SULF1: variants seen among roughly 807,000 people sequenced by gnomAD.
The protein encoded by SULF1 is extracellular sulfatase Sulf-1.
SULF1 carries 46 observed loss-of-function variants against 110.5 expected under a neutral mutation model. The ratio of observed to expected loss-of-function variants is 0.42; its 90% CI spans 0.33 to 0.53. SULF1 has a LOEUF of 0.53. Among genes scored for constraint, SULF1 ranks in the 20% least tolerant of loss-of-function variants. The pLI is 0.12. For missense variants in SULF1, 941 were observed against 1,094.2 expected, an observed-to-expected ratio of 0.86 and a Z score of 1.98; for synonymous variants, 371 against 387.1, an observed-to-expected ratio of 0.96 and a Z score of 0.49.
intron 3 of SULF1, among the ~76,000 whole-genome samples, chr8:69,504,964 C>T (rs913512069): frequency 1.3e-5 from 2 of 152,102 alleles, no homozygotes; most frequent in Non-Finnish European, 2.9e-5. Context: ...TTTTTGATTG[C>T]CTCTCTGCTC....
intron 6 of SULF1, among the ~76,000 whole-genome samples, chr8:69,581,716 A>G (rs945107202): frequency 6.6e-6 from 1 of 152,230 alleles, no homozygotes; most frequent in Non-Finnish European, 1.5e-5. Context: ...GAGATTTAAT[A>G]CATCTGGAGG....
upstream of SULF1, among the ~76,000 whole-genome samples, chr8:69,490,784 C>T (rs1809902884): frequency 1.8e-5 from 2 of 111,462 alleles, no homozygotes; most frequent in South Asian, 3.0e-4. Context: ...TCAATTTACC[C>T]ATCTGTAAAC....
intron 22 of SULF1, among the ~76,000 whole-genome samples, chr8:69,645,785 C>T (rs1307569997): frequency 1.3e-5 from 2 of 152,154 alleles, no homozygotes; most frequent in African/African-American, 4.8e-5. Context: ...GCTGAAAAGG[C>T]AACCAGGGCC....
chr8:69,551,564 T>A (rs1176322464), intron 3 of SULF1, among the ~76,000 whole-genome samples: 1 of 152,184 alleles, frequency 6.6e-6, no homozygotes, highest in Non-Finnish European at 1.5e-5. Flanking sequence ...TCGTAAACAG[T>A]CCTGTCAGCT....
intron 6 of SULF1, among the ~76,000 whole-genome samples, chr8:69,578,645 C>CTGT (rs1805813181): frequency 6.6e-6 from 1 of 151,904 alleles, no homozygotes; most frequent in Non-Finnish European, 1.5e-5. Flanking sequence ...GAAGGCTTCC[C>CTGT]TGTTACCTCA....
chr8:69,544,178 T>A (rs1469544928), intron 3 of SULF1, among the ~76,000 whole-genome samples: 2 of 152,210 alleles, frequency 1.3e-5, no homozygotes, highest in Non-Finnish European at 2.9e-5. Flanking sequence ...AAGAATAGTG[T>A]GTTGTAATGT....
chr8:69,518,163 T>C (rs1465874586), intron 3 of SULF1, among the ~76,000 whole-genome samples: 1 of 152,250 alleles, frequency 6.6e-6, no homozygotes, highest in African/African-American at 2.4e-5. Flanking sequence ...CTAGTTGATA[T>C]TGAAATTGTT....
chr8:69,569,101 A>G (rs1224226999), intron 5 of SULF1, among the ~76,000 whole-genome samples: 1 of 152,200 alleles, frequency 6.6e-6, no homozygotes, highest in Non-Finnish European at 1.5e-5. Flanking sequence ...TGAGCAGATT[A>G]GACCATTGAT....
At chr8:69,656,046 C>G (rs1456545881) in intron 22 of SULF1, among the ~76,000 whole-genome samples, 1 of 152,202 alleles carries the variant, frequency 6.6e-6, no homozygotes, top group African/African-American at 2.4e-5. Flanking sequence ...CACAGTATCC[C>G]CTGCATTCTT....
chr8:69,562,269 TA>T (rs1405772751), intron 3 of SULF1, among the ~76,000 whole-genome samples: 6 of 152,194 alleles, frequency 3.9e-5, no homozygotes. Flanking sequence ...ATGTGTATGG[TA>T]GGGGTAAACA....
At chr8:69,596,699 C>G (rs1807362938) in intron 8 of SULF1, among the ~76,000 whole-genome samples, 1 of 152,154 alleles carries the variant, frequency 6.6e-6, no homozygotes, top group Non-Finnish European at 1.5e-5. Context: ...GGAGAGCTAT[C>G]CCGGTGCATT....
At chr8:69,649,617 T>C (rs1812177436) in intron 22 of SULF1, among the ~76,000 whole-genome samples, 1 of 152,212 alleles carries the variant, frequency 6.6e-6, no homozygotes, top group Non-Finnish European at 1.5e-5. Context: ...TTATCAGTCA[T>C]GATATTTTAA....
chr8:69,648,023 T>C (rs773509695), intron 22 of SULF1, among the ~76,000 whole-genome samples: 10 of 151,450 alleles, frequency 6.6e-5, no homozygotes, highest in Non-Finnish European at 1.5e-4. Context: ...CCTCTGAAAT[T>C]TCAAAGCCTA....
chr8:69,549,174 A>G (rs1232359623), intron 3 of SULF1, among the ~76,000 whole-genome samples: 4 of 152,216 alleles, frequency 2.6e-5, no homozygotes, highest in African/African-American at 9.7e-5. Flanking sequence ...CTGGAGTGAG[A>G]AGAGCCACAG....
rs1175980831 is a variant in SULF1, at chr8:69,576,015, G to A, written c.218G>A (p.Gly73Glu). 1.9e-6 allele frequency: 3 copies of A among 1,613,902 alleles called. No individual in the cohort carries two copies. The highest frequency in any genetic ancestry group is 2.7e-5 in the African/African-American group (2 of 74,894). Reference sequence around the variant, plus strand: ...AAAACGAGAAAGATTATGGAACATGGGGGGGCCACCTTCATCAATGCCTTT... The same window carrying A: ...AAAACGAGAAAGATTATGGAACATGAGGGGGCCACCTTCATCAATGCCTTT... ...MNKTRKIMEH[G>E]GATFINAFVT... The change falls in exon 6 of 23, where the codon GGG becomes GAG. Residue 73 changes from glycine to glutamate, a missense_variant. This residue lies in a region of SULF1 where 822 missense variants were observed against 934.3 expected (regional missense o/e 0.88). Transcript: ENST00000402687.
At chr8:69,513,164 A>T (rs1046716044) in intron 3 of SULF1, among the ~76,000 whole-genome samples, 4 of 152,218 alleles carry the variant, frequency 2.6e-5, no homozygotes, top group African/African-American at 9.6e-5. Context: ...CAAAGTTGCA[A>T]CTTAAATTTT....
intron 5 of SULF1, among the ~76,000 whole-genome samples, chr8:69,574,285 T>G (rs1307695362): frequency 6.6e-6 from 1 of 152,184 alleles, no homozygotes; most frequent in Non-Finnish European, 1.5e-5. Flanking sequence ...ATGAAGAGAA[T>G]TCTCCATATT....
intron 8 of SULF1, among the ~76,000 whole-genome samples, chr8:69,593,799 A>G (rs1037632269): frequency 5.3e-5 from 8 of 152,190 alleles, no homozygotes; most frequent in African/African-American, 1.9e-4. Flanking sequence ...CGCTCTGGCT[A>G]AGACTCTACT....
chr8:69,596,601 C>T lies in SULF1; in HGVS notation c.735-4002C>T, dbSNP rs540685364. On this transcript the variant is annotated intron_variant, in intron 8 of 22. Coordinates refer to ENST00000402687, the MANE Select transcript of SULF1 (RefSeq NM_001128205.2). Reference sequence around the variant, plus strand: ...TAGGAAGAAAGGATATATCAATTTTCCTTTTAATGAGTGGGATTTTTGAGG... The same window carrying T: ...TAGGAAGAAAGGATATATCAATTTTTCTTTTAATGAGTGGGATTTTTGAGG... Among the ~76,000 whole-genome samples, 184 of 152,122 alleles carry T rather than the reference C, an allele frequency of 1.2e-3. 1 individual carries two copies. Among genetic ancestry groups the T allele is most frequent in the Non-Finnish European group, 2.0e-3 (136 of 68,026 alleles).
Sources: gnomAD v4.1 joint callset for allele counts (sites outside exome capture counted in the v4.1 genomes callset) on GRCh38, gnomAD v4.1.1 for gene constraint, gnomAD v4.1.1 regional missense constraint, MANE v1.5 for transcripts, NCBI Gene and HGNC (gene_info 2026-07-23, HGNC 2026-07-21) for gene names.